The following KIF18B variants were observed in gnomAD, a reference collection of about 807,000 sequenced individuals.
KIF18B encodes the protein kinesin-like protein KIF18B.
A neutral mutation model predicts 80.9 loss-of-function variants in KIF18B; 49 were observed. That is an observed-to-expected ratio of 0.61 (90% CI 0.48 to 0.77). The LOEUF is 0.77. KIF18B is among the 30% of genes least tolerant of loss of function. The pLI, the probability that KIF18B is intolerant of heterozygous loss-of-function variation, is 0.00. For synonymous variants in KIF18B, 439 were observed against 463.9 expected (o/e 0.95, Z 0.69); for missense variants, 994 against 1,127.7 (o/e 0.88, Z 1.70).
At chr17:44,944,456 T>TG (rs753655222) in intron 1 of KIF18B, among the ~76,000 whole-genome samples, 3 of 152,124 alleles carry the variant, frequency 2.0e-5, no homozygotes, top group Non-Finnish European at 2.9e-5. Context: ...TCGGTCAGGC[T>TG]GGTCTCATAC....
At position 44,931,699 on chromosome 17, in the gene KIF18B, TG is replaced by T. The variant is rs2052151927; in HGVS notation, c.1419del (p.Thr474HisfsTer10). Reference sequence around the variant, plus strand: ...CGAGGGGACTCTGGCAGTGCATGTGTGGGGTTCTGCTCTGGCATCTGGGTTG... The same window carrying T: ...CGAGGGGACTCTGGCAGTGCATGTGTGGGTTCTGCTCTGGCATCTGGGTTG... ...EVPTQMPEQNPTHALPESPRL... is the reference protein window; with the variant it reads ...EVPTQMPEQNXTHALPESPRL... On this transcript the variant is annotated frameshift_variant, in exon 11 of 16. Transcript: ENST00000593135. LOFTEE classifies it high-confidence loss of function. The T allele has an allele frequency of 6.2e-7, 1 of 1,613,890 alleles. No homozygotes were observed. Among genetic ancestry groups the T allele is most frequent in the Non-Finnish European group, 8.5e-7 (1 of 1,179,868 alleles).
At chr17:44,947,388 G>C (rs1219326301) in intron 1 of KIF18B, among the ~76,000 whole-genome samples, 1 of 152,192 alleles carries the variant, frequency 6.6e-6, no homozygotes, top group African/African-American at 2.4e-5. Context: ...GATGAGCGGA[G>C]GGGTCCTGAC....
rs557320511 is a variant in KIF18B, at chr17:44,933,841, A to G, written c.1062+82T>C. On this transcript the variant is annotated intron_variant, in intron 7 of 15. Coordinates refer to ENST00000593135, the MANE Select transcript of KIF18B (RefSeq NM_001265577.2). ...TTGGGGACACTTGGCCCAGGGATCT[A>G]TTGGAGCTGCCTGGGTCCCACCCTT... 37 of 1,323,000 alleles carry G rather than the reference A, an allele frequency of 2.8e-5. No individual in the cohort carries two copies. In the South Asian group the frequency reaches 4.5e-4, roughly 16 times the overall value. 82.0% of individuals were successfully genotyped at this position (1,323,000 alleles called of 1,614,324 possible). A position where few individuals can be genotyped will look rare whatever the true frequency, so the allele number is the denominator to read the frequency against.
rs747328006 is a variant in KIF18B, at chr17:44,928,140, T to G, written c.2162A>C (p.Asn721Thr). ...CTCCTCAGAGAGATCAAAGGTGGCA[T>G]TGAGGTCTCGAGTGGGCAGAGCCAG... is the stretch of plus-strand genomic sequence containing the variant. Reference protein sequence around the residue: ...TPLALPTRDLNATFDLSEEPP... With the variant: ...TPLALPTRDLTATFDLSEEPP... The change falls in exon 13 of 16, where the codon AAT (asparagine) becomes ACT (threonine). Residue 721 changes from asparagine (N) to threonine (T), a missense_variant. By Grantham distance (65) the Asn-to-Thr change is moderately conservative (BLOSUM62 0). Transcript: ENST00000593135. 2 of 1,606,552 alleles carry G rather than the reference T, an allele frequency of 1.2e-6. No individual in the cohort carries two copies. The highest frequency in any genetic ancestry group is 2.7e-5 in the African/African-American group (2 of 74,508).
chr17:44,932,890 GC>G, intron 8 of KIF18B, 21 bp downstream of exon 8: 2 of 1,595,844 alleles, frequency 1.3e-6, no homozygotes, highest in Non-Finnish European at 8.6e-7. Context: ...CCTCCAGCCT[GC>G]CCCCAAGGCG....
chr17:44,943,161 G>A (rs1242056306), intron 1 of KIF18B, among the ~76,000 whole-genome samples: 3 of 151,950 alleles, frequency 2.0e-5, no homozygotes, highest in African/African-American at 4.8e-5. Context: ...GTGCAGTGGC[G>A]CCATCTCGGC....
intron 1 of KIF18B, among the ~76,000 whole-genome samples, chr17:44,946,886 C>T (rs956269348): frequency 2.0e-5 from 3 of 151,956 alleles, no homozygotes; most frequent in Admixed American, 1.3e-4. Context: ...TTTGGGAGGC[C>T]GAAGCGGCGG....
intron 2 of KIF18B, 45 bp from the exon 3 acceptor site, chr17:44,935,461 CCAGCT>C: frequency 6.5e-7 from 1 of 1,532,756 alleles, no homozygotes; most frequent in Non-Finnish European, 8.8e-7. Flanking sequence ...GCCTTGCCAC[CCAGCT>C]CAGCCCTTCC....
chr17:44,926,828 C>A (rs1221685380), intron 14 of KIF18B, among the ~76,000 whole-genome samples, 161 bp downstream of exon 14: 1 of 152,154 alleles, frequency 6.6e-6, no homozygotes, highest in East Asian at 1.9e-4. Context: ...AAGGAAACCT[C>A]AATAGGAGAA....
At chr17:44,942,767 T>C (rs2052443463) in intron 1 of KIF18B, among the ~76,000 whole-genome samples, 1 of 152,234 alleles carries the variant, frequency 6.6e-6, no homozygotes, top group African/African-American at 2.4e-5. Context: ...AAAATAATTA[T>C]TATTACAGCT....
chr17:44,945,835 G>A (rs535571913), intron 1 of KIF18B, among the ~76,000 whole-genome samples: 1 of 151,526 alleles, frequency 6.6e-6, no homozygotes, highest in South Asian at 2.1e-4. Context: ...GAATCTTGGA[G>A]GCGGAGGTTG....
intron 2 of KIF18B, among the ~76,000 whole-genome samples, 185 bp downstream of exon 2, chr17:44,935,847 C>T (rs1399745736): frequency 1.3e-5 from 2 of 152,180 alleles, no homozygotes. Flanking sequence ...CAGTAGAGTG[C>T]CTCCCCCATA....
rs2052023647 is a variant in KIF18B, at chr17:44,926,287, A to C, written c.2453-101T>G. 3.2e-6 allele frequency: 5 copies of C among 1,578,778 alleles called. No homozygotes were observed. In the East Asian group the frequency reaches 1.2e-4, roughly 36 times the overall value. On this transcript the variant is annotated intron_variant, in intron 15 of 15. Coordinates refer to ENST00000593135, the MANE Select transcript of KIF18B (RefSeq NM_001265577.2). ...ACCTCCCACCTGTCTCATCAGCAGCATCCCTGAGATGCTTGGCAATACCCT... is the reference window on the plus strand; with the variant it reads ...ACCTCCCACCTGTCTCATCAGCAGCCTCCCTGAGATGCTTGGCAATACCCT...
Position 44,934,722 on chromosome 17 carries a change from A to T in KIF18B, c.577-105T>A. On this transcript the variant is annotated intron_variant, in intron 4 of 15. Coordinates refer to ENST00000593135, the MANE Select transcript of KIF18B (RefSeq NM_001265577.2). This position sits in a 1 kb window ranked among gnomAD's most constrained non-coding sequence, Gnocchi z 5.4. The stretch of plus-strand genomic sequence containing the variant: ...GAATCTACATCACCCCCTTGCTACC[A>T]CCACCACTGCTACCACCATCACAGG... The T allele has an allele frequency of 1.6e-6, 2 of 1,254,604 alleles. No individual in the cohort carries two copies. Among genetic ancestry groups the T allele is most frequent in the Non-Finnish European group, 2.2e-6 (2 of 902,954 alleles). The allele number at this position is 1,254,604 out of a possible 1,614,324, so 77.7% of individuals were successfully genotyped here.
rs760804704 is a variant in KIF18B, at chr17:44,927,030, G to C, written c.2325C>G (p.Ser775=). 1.9e-6 allele frequency: 3 copies of C among 1,612,862 alleles called. No individual in the cohort carries two copies. In the South Asian group the frequency reaches 3.3e-5, roughly 18 times the overall value. ...TCTTGCAGGCAGAGGTCCCAGGGAG[G>C]GAAGATGTTGGCTTGGGGCCCTTCA... is the stretch of plus-strand genomic sequence containing the variant. ...FTMKGPKPTS[S]LPGTSACKKK... The change falls in exon 14 of 16, where the codon TCC becomes TCG. Residue 775 remains serine, a synonymous_variant. Coordinates refer to ENST00000593135, the MANE Select transcript of KIF18B (RefSeq NM_001265577.2). The surrounding 1 kb of genome is among the most constrained non-coding windows in gnomAD (Gnocchi z 4.1).
At position 44,934,409 on chromosome 17, in the gene KIF18B, G is replaced by A. The variant is rs373552192; in HGVS notation, c.709C>T (p.Arg237Trp). 42 of 1,605,730 alleles carry A rather than the reference G, an allele frequency of 2.6e-5. No homozygotes were observed. Among genetic ancestry groups the A allele is most frequent in the South Asian group, 1.3e-4 (12 of 89,734 alleles). ...ACAGCCTGGGTCAGTCCTGGAACCC[G>A]GTCCTGCTGCTTCACAAAGATCTGA... Reference protein sequence around the residue: ...IFQIFVKQQDRVPGLTQAVQV... With the variant: ...IFQIFVKQQDWVPGLTQAVQV... The change falls in exon 6 of 16, where the codon CGG (arginine) becomes TGG (tryptophan). Residue 237 changes from arginine (R) to tryptophan (W), a missense_variant. Transcript: ENST00000593135. The surrounding 1 kb of genome is among the most constrained non-coding windows in gnomAD (Gnocchi z 5.4).
At chr17:44,945,132 T>A (rs2052487349) in intron 1 of KIF18B, among the ~76,000 whole-genome samples, 1 of 152,224 alleles carries the variant, frequency 6.6e-6, no homozygotes, top group East Asian at 1.9e-4. Flanking sequence ...CGATCATGGG[T>A]CACTGCAGCC....
intron 1 of KIF18B, among the ~76,000 whole-genome samples, chr17:44,941,565 C>T (rs1249636613): frequency 6.6e-6 from 1 of 152,194 alleles, no homozygotes; most frequent in Non-Finnish European, 1.5e-5. Flanking sequence ...TCTCGCACCC[C>T]TGACCTCAGG....
At position 44,936,335 on chromosome 17, in the gene KIF18B, C is replaced by T. The variant is rs1025117808; in HGVS notation, c.10G>A (p.Glu4Lys). The change falls in exon 2 of 16, where the codon GAG becomes AAG. Residue 4 changes from glutamate to lysine, a missense_variant. Transcript: ENST00000593135. Reference sequence around the variant, plus strand: ...ACCACTACTTGCAGCGTGCTGTCCTCCACTGCCATCACTGTGGTGACACCT... The same window carrying T: ...ACCACTACTTGCAGCGTGCTGTCCTTCACTGCCATCACTGTGGTGACACCT... MAV[E>K]DSTLQVVVRV... 1.9e-6 allele frequency: 3 copies of T among 1,603,980 alleles called. No individual in the cohort carries two copies. In the African/African-American group the frequency reaches 4.0e-5, roughly 21 times the overall value.
Sources: gnomAD v4.1 joint callset for allele counts (sites outside exome capture counted in the v4.1 genomes callset) on GRCh38, gnomAD v4.1.1 for gene constraint, Gnocchi (gnomAD v3.1) non-coding constraint, MANE v1.5 for transcripts, NCBI Gene and HGNC (gene_info 2026-07-23, HGNC 2026-07-21) for gene names.